The following ADAM9 variants were observed in gnomAD, a reference collection of about 807,000 sequenced individuals.
ADAM9 encodes ADAM metallopeptidase domain 9, also known as disintegrin and metalloproteinase domain-containing protein 9.
A neutral mutation model predicts 108.1 loss-of-function variants in ADAM9; 54 were observed. The observed-to-expected ratio is 0.50, with a 90% CI of 0.40 to 0.63. The LOEUF is 0.63. ADAM9 is among the 20% of genes least tolerant of loss of function. ADAM9 has a pLI of 0.00. For synonymous variants in ADAM9, 316 were observed against 336.0 expected (o/e 0.94, Z 0.65); for missense variants, 830 against 997.7 (o/e 0.83, Z 2.26).
intron 2 of ADAM9, among the ~76,000 whole-genome samples, chr8:39,009,417 T>G (rs1169183536): frequency 6.6e-6 from 1 of 152,196 alleles, no homozygotes; most frequent in Admixed American, 6.5e-5. Context: ...TTTCGTATCT[T>G]TAGTTGAGAT....
At chr8:39,002,658 C>A (rs61456957) in intron 1 of ADAM9, among the ~76,000 whole-genome samples, 3,982 of 152,166 alleles carry the variant, frequency 0.026, 199 homozygotes, top group African/African-American at 0.091. Context: ...CTTCCCTGTA[C>A]TACAATTACT....
At chr8:39,020,407 G>A (rs1310772611) in intron 7 of ADAM9, among the ~76,000 whole-genome samples, 3 of 151,888 alleles carry the variant, frequency 2.0e-5, no homozygotes, top group South Asian at 2.1e-4. Context: ...TTCTTGTTTA[G>A]GAGGATCATG....
At chr8:39,043,249 A>G (rs1369289402) in intron 12 of ADAM9, among the ~76,000 whole-genome samples, 1 of 152,174 alleles carries the variant, frequency 6.6e-6, no homozygotes, top group African/African-American at 2.4e-5. Context: ...AGGAATGCTA[A>G]TATCTCTTCA....
intron 2 of ADAM9, among the ~76,000 whole-genome samples, chr8:39,010,922 G>A (rs1199651273): frequency 2.0e-5 from 3 of 151,866 alleles, no homozygotes; most frequent in Admixed American, 6.6e-5. Flanking sequence ...GTGAAACCCC[G>A]TCTCTACTAA....
rs73602756 is a variant in ADAM9 at position 39,062,994 on chromosome 8, C to T, written c.1591+7222C>T. 4.7e-3 allele frequency among the ~76,000 whole-genome samples: 714 copies of T among 152,268 alleles called. 5 individuals are homozygous for T. Among genetic ancestry groups the T allele is most frequent in the African/African-American group, 0.016 (679 of 41,558 alleles). ...TTGATTCACATTTCAGCCAACCAACCGAACAAACTGTTAGAGACCTTTCTA... is the reference window on the plus strand; with the variant it reads ...TTGATTCACATTTCAGCCAACCAACTGAACAAACTGTTAGAGACCTTTCTA... On this transcript the variant is annotated intron_variant, in intron 14 of 21. Coordinates refer to ENST00000487273, the MANE Select transcript of ADAM9 (RefSeq NM_003816.3).
intron 15 of ADAM9, among the ~76,000 whole-genome samples, chr8:39,074,228 A>T (rs1018020384): frequency 6.6e-6 from 1 of 152,186 alleles, no homozygotes; most frequent in African/African-American, 2.4e-5. Flanking sequence ...ATCCAGAGAT[A>T]TTTCCTTAAG....
At position 38,997,046 on chromosome 8, in the gene ADAM9, C is replaced by G. The variant is rs376347476; in HGVS notation, c.-18C>G. ...GGAGGCGACCGAGTGCTGAGAGGAA[C>G]CTGCGGAATCGGCCGAGATGGGGTC... On this transcript the variant is annotated 5_prime_UTR_variant, in exon 1 of 22. Coordinates refer to ENST00000487273, the MANE Select transcript of ADAM9 (RefSeq NM_003816.3). 1.2e-5 allele frequency: 19 copies of G among 1,605,316 alleles called. No individual in the cohort carries two copies. The highest frequency in any genetic ancestry group is 8.5e-7 in the Non-Finnish European group (1 of 1,179,314).
At chr8:39,024,275 G>A (rs957195158) in intron 9 of ADAM9, among the ~76,000 whole-genome samples, 3 of 152,022 alleles carry the variant, frequency 2.0e-5, no homozygotes, top group Admixed American at 2.0e-4. Flanking sequence ...AAAATCGTAC[G>A]CTCACACATC....
At chr8:39,087,453 C>T (rs1219633346) in intron 18 of ADAM9, among the ~76,000 whole-genome samples, 1 of 152,196 alleles carries the variant, frequency 6.6e-6, no homozygotes, top group East Asian at 1.9e-4. Flanking sequence ...TGTGCTATAA[C>T]TTCACTTAGC....
intron 11 of ADAM9, 71 bp from the exon 12 acceptor site, chr8:39,041,873 TAA>T (rs1380212821): frequency 4.2e-6 from 6 of 1,419,172 alleles, no homozygotes; most frequent in Non-Finnish European, 5.9e-6. Flanking sequence ...TTTTGTGGGT[TAA>T]AGTCATGACT....
At chr8:39,025,530 A>G (rs1428040416) in intron 9 of ADAM9, among the ~76,000 whole-genome samples, 1 of 152,194 alleles carries the variant, frequency 6.6e-6, no homozygotes, top group Non-Finnish European at 1.5e-5. Flanking sequence ...TAAGTGTATA[A>G]ATAAACCTAA....
intron 15 of ADAM9, 36 bp downstream of exon 15, chr8:39,071,439 A>G: frequency 8.8e-7 from 1 of 1,132,888 alleles, no homozygotes; most frequent in Non-Finnish European, 1.3e-6. Flanking sequence ...AATATGAAAG[A>G]TTATAAGATC....
At chr8:39,039,273 A>G (rs1837382208) in intron 11 of ADAM9, among the ~76,000 whole-genome samples, 1 of 152,192 alleles carries the variant, frequency 6.6e-6, no homozygotes, top group Non-Finnish European at 1.5e-5. Context: ...AAAAAATACA[A>G]ATATATGTAA....
chr8:39,087,170 C>T (rs1318133083), intron 18 of ADAM9, among the ~76,000 whole-genome samples: 2 of 152,202 alleles, frequency 1.3e-5, no homozygotes, highest in Non-Finnish European at 2.9e-5. Flanking sequence ...CTGGGTTTTG[C>T]TTTGGTGCCC....
At chr8:39,071,142 A>G (rs1373689496) in intron 14 of ADAM9, among the ~76,000 whole-genome samples, 156 bp from the exon 15 acceptor site, 4 of 152,224 alleles carry the variant, frequency 2.6e-5, no homozygotes, top group Admixed American at 2.6e-4. Context: ...GTGGAACAAA[A>G]ATGTATCATG....
At chr8:39,082,770 T>C (rs1490340499) in intron 17 of ADAM9, 49 bp downstream of exon 17, 5 of 1,481,842 alleles carry the variant, frequency 3.4e-6, no homozygotes, top group Non-Finnish European at 4.7e-6. Context: ...TGCTAAATAA[T>C]GAGAAATCTC....
intron 12 of ADAM9, among the ~76,000 whole-genome samples, chr8:39,047,472 C>T (rs1837810613): frequency 6.6e-6 from 1 of 151,782 alleles, no homozygotes; most frequent in Non-Finnish European, 1.5e-5. Flanking sequence ...GATTCATATC[C>T]TTACTACTTA....
chr8:38,999,835 C>T (rs993916829), intron 1 of ADAM9, among the ~76,000 whole-genome samples: 2 of 152,210 alleles, frequency 1.3e-5, no homozygotes, highest in African/African-American at 4.8e-5. Flanking sequence ...GATGCAAGCT[C>T]TAAGTAACTG....
At chr8:39,049,043 T>A (rs531219537) in intron 12 of ADAM9, among the ~76,000 whole-genome samples, 2 of 151,556 alleles carry the variant, frequency 1.3e-5, no homozygotes, top group African/African-American at 4.8e-5. Context: ...TATGTGTTTT[T>A]GTTGGGGAGT....
Sources: allele counts gnomAD v4.1 joint callset (sites outside exome capture counted in the v4.1 genomes callset), GRCh38; gene constraint gnomAD v4.1.1; transcripts MANE v1.5; gene names NCBI Gene and HGNC (gene_info 2026-07-23, HGNC 2026-07-21).